Variants in NKAIN2 observed in about 807,000 individuals in gnomAD.
The protein encoded by NKAIN2 is sodium/potassium-transporting ATPase subunit beta-1-interacting protein 2.
In NKAIN2, 14 loss-of-function variants were observed where a neutral mutation model predicts 32.6. The observed-to-expected ratio is 0.43, with a 90% CI of 0.28 to 0.67. NKAIN2 has a LOEUF of 0.67. Ranked by LOEUF, NKAIN2 falls within the 30% of genes least tolerant of loss-of-function variation. The probability of loss-of-function intolerance (pLI) is 0.17; values close to 1 mark genes in which losing one functional copy is unlikely to be tolerated. For synonymous variants in NKAIN2, 80 were observed against 87.2 expected, an observed-to-expected ratio of 0.92 and a Z score of 0.46; for missense variants, 198 against 258.3, an observed-to-expected ratio of 0.77 and a Z score of 1.60.
intron 1 of NKAIN2, among the ~76,000 whole-genome samples, chr6:124,008,242 C>T (rs1780164971): frequency 1.3e-5 from 2 of 152,174 alleles, no homozygotes; most frequent in Non-Finnish European, 2.9e-5. Flanking sequence ...GCCTTTCCTC[C>T]TCTGCCTGCC....
intron 1 of NKAIN2, 139 bp downstream of exon 1, chr6:123,804,393 A>T: frequency 1.3e-6 from 1 of 756,554 alleles, no homozygotes; most frequent in East Asian, 2.7e-5. Context: ...CCTATATTGA[A>T]GATGATTTCA....
chr6:124,465,482 G>C (rs547606), intron 3 of NKAIN2, among the ~76,000 whole-genome samples: 1 of 151,700 alleles, frequency 6.6e-6, no homozygotes, highest in African/African-American at 2.4e-5. Flanking sequence ...GGCCTGTCAG[G>C]GGGTGGGGGC....
At chr6:124,639,376 G>A (rs1448158031) in intron 3 of NKAIN2, among the ~76,000 whole-genome samples, 3 of 152,152 alleles carry the variant, frequency 2.0e-5, no homozygotes, top group African/African-American at 7.2e-5. Context: ...CTGGGAGTGC[G>A]ATGGCTCATG....
chr6:124,122,827 C>G (rs1036675687), intron 1 of NKAIN2, among the ~76,000 whole-genome samples: 6 of 151,904 alleles, frequency 3.9e-5, no homozygotes, highest in African/African-American at 1.5e-4. Context: ...ATTCTCTTCC[C>G]CCAAAGTATC....
At chr6:123,820,673 G>C (rs1773886630) in intron 1 of NKAIN2, among the ~76,000 whole-genome samples, 1 of 152,120 alleles carries the variant, frequency 6.6e-6, no homozygotes, top group African/African-American at 2.4e-5. Flanking sequence ...GGAGATCACA[G>C]GTTTACCAGA....
At chr6:124,672,576 AAAAAG>A (rs1490952856) in intron 4 of NKAIN2, among the ~76,000 whole-genome samples, 1 of 152,080 alleles carries the variant, frequency 6.6e-6, no homozygotes, top group African/African-American at 2.4e-5. Flanking sequence ...TATTTTTCAT[AAAAAG>A]AAAAGTCAGT....
chr6:124,708,889 G>C (rs977219113), intron 4 of NKAIN2, among the ~76,000 whole-genome samples: 1 of 144,992 alleles, frequency 6.9e-6, no homozygotes, highest in African/African-American at 2.6e-5. Flanking sequence ...AATAGGAGTG[G>C]TGAGAGAGGG....
chr6:124,346,140 A>T (rs542899924), intron 2 of NKAIN2, among the ~76,000 whole-genome samples: 2 of 151,972 alleles, frequency 1.3e-5, no homozygotes, highest in Non-Finnish European at 2.9e-5. Context: ...GTAGTTGAGC[A>T]GTTTTGAGTG....
At chr6:124,013,760 A>G (rs142630152) in intron 1 of NKAIN2, among the ~76,000 whole-genome samples, 54 of 152,326 alleles carry the variant, frequency 3.5e-4, no homozygotes, top group Non-Finnish European at 6.9e-4. Flanking sequence ...CTGTAAATGC[A>G]GAAACTCTTT....
chr6:124,531,069 C>G (rs1417243043), intron 3 of NKAIN2, among the ~76,000 whole-genome samples: 1 of 152,164 alleles, frequency 6.6e-6, no homozygotes, highest in Non-Finnish European at 1.5e-5. Context: ...TTAATCTAGT[C>G]AAACTGACAC....
chr6:124,380,152 T>A (rs1204894140), intron 3 of NKAIN2, among the ~76,000 whole-genome samples: 1 of 152,142 alleles, frequency 6.6e-6, no homozygotes, highest in African/African-American at 2.4e-5. Context: ...CCACACTGCG[T>A]CCCAGCTATT....
At chr6:124,021,610 A>G (rs145497283) in intron 1 of NKAIN2, among the ~76,000 whole-genome samples, 111 of 152,106 alleles carry the variant, frequency 7.3e-4, no homozygotes, top group African/African-American at 2.5e-3. Context: ...ACATTTTTAT[A>G]TCTCTTGGAT....
At chr6:123,901,802 C>T (rs1034338073) in intron 1 of NKAIN2, among the ~76,000 whole-genome samples, 1 of 151,758 alleles carries the variant, frequency 6.6e-6, no homozygotes. Flanking sequence ...CAAGAGTTTC[C>T]ACAATAAAAT....
In NKAIN2 at chr6:123,849,952, T is replaced by G. The variant is rs1460784020; in HGVS notation, c.54+45698T>G. On this transcript the variant is annotated intron_variant, in intron 1 of 6. Transcript: ENST00000368417. ...TTTCACTCTGTAACTCAGGCTGGTT[T>G]TTTTTTTTTGTTTGTTTGTTTTTTT... Among the ~76,000 whole-genome samples, 215 of 35,286 alleles carry G rather than the reference T, an allele frequency of 6.1e-3. 1 individual carries two copies. The highest frequency in any genetic ancestry group is 0.019 in the Non-Finnish European group (160 of 8,640). 23.1% of individuals were successfully genotyped at this position (35,286 alleles called of 152,430 possible).
chr6:124,385,653 T>C (rs549498983), intron 3 of NKAIN2, among the ~76,000 whole-genome samples: 1 of 152,216 alleles, frequency 6.6e-6, no homozygotes, highest in African/African-American at 2.4e-5. Flanking sequence ...CCAAAAAAGC[T>C]CTGTGTTTGG....
intron 3 of NKAIN2, among the ~76,000 whole-genome samples, chr6:124,648,218 G>A (rs1784247363): frequency 6.6e-6 from 1 of 152,148 alleles, no homozygotes; most frequent in Non-Finnish European, 1.5e-5. Context: ...TGGTGAATGT[G>A]TTTAGGCCAT....
intron 3 of NKAIN2, among the ~76,000 whole-genome samples, chr6:124,548,353 A>T (rs1268410413): frequency 6.6e-6 from 1 of 152,186 alleles, no homozygotes; most frequent in Admixed American, 6.5e-5. Flanking sequence ...AACATAATTT[A>T]CCATTTGAAA....
intron 3 of NKAIN2, among the ~76,000 whole-genome samples, chr6:124,471,360 T>C (rs1054440805): frequency 2.0e-5 from 3 of 152,272 alleles, no homozygotes; most frequent in African/African-American, 7.2e-5. Flanking sequence ...TATGATTTTA[T>C]ATCTAATTTT....
At position 124,152,747 on chromosome 6, in the gene NKAIN2, G is replaced by A. The variant is rs548989614; in HGVS notation, c.55-130258G>A. Among the ~76,000 whole-genome samples the A allele has an allele frequency of 1.5e-4, 23 of 152,000 alleles. No homozygotes were observed. In the East Asian group the frequency reaches 3.5e-3, roughly 23 times the overall value. On this transcript the variant is annotated intron_variant, in intron 1 of 6. Coordinates refer to ENST00000368417, the MANE Select transcript of NKAIN2 (RefSeq NM_001040214.3). ...GTACTTCACAGTGGGCAAGATAGGG[G>A]CTCAACCTAAGTATCTGTCAGTGGA...
Sources: gnomAD v4.1 joint callset for allele counts (sites outside exome capture counted in the v4.1 genomes callset) on GRCh38, gnomAD v4.1.1 for gene constraint, MANE v1.5 for transcripts, NCBI Gene and HGNC (gene_info 2026-07-23, HGNC 2026-07-21) for gene names.